The following CFAP74 variants were observed in gnomAD, a reference collection of about 807,000 sequenced individuals.
The protein encoded by CFAP74 is cilia- and flagella-associated protein 74.
Under a neutral mutation model 188.9 loss-of-function variants are expected in CFAP74, and 124 were observed. The ratio of observed to expected loss-of-function variants is 0.66; its 90% CI spans 0.57 to 0.76. The LOEUF is 0.76. Among genes scored for constraint, CFAP74 ranks in the 30% least tolerant of loss-of-function variants. The probability of loss-of-function intolerance (pLI) is 0.00; values close to 1 mark genes in which losing one functional copy is unlikely to be tolerated. For missense variants in CFAP74, 2,198 were observed against 2,165.2 expected, an observed-to-expected ratio of 1.02 and a Z score of -0.30; for synonymous variants, 956 against 916.7, an observed-to-expected ratio of 1.04 and a Z score of -0.77.
At chr1:1,949,019 C>T (rs549179504) in intron 18 of CFAP74, among the ~76,000 whole-genome samples, 91 of 81,030 alleles carry the variant, frequency 1.1e-3, no homozygotes, top group African/African-American at 4.5e-3. Context: ...CTTCCCCTTC[C>T]TTCCTTCTCT....
At chr1:1,990,730 C>T (rs1570988526) in intron 2 of CFAP74, among the ~76,000 whole-genome samples, 160 bp downstream of exon 2, 1 of 152,146 alleles carries the variant, frequency 6.6e-6, no homozygotes, top group South Asian at 2.1e-4. Context: ...ATCTTTCTTT[C>T]AAATAAAGAC....
At chr1:1,938,241 A>C (rs980830125) in intron 25 of CFAP74, among the ~76,000 whole-genome samples, 1 of 151,556 alleles carries the variant, frequency 6.6e-6, no homozygotes, top group Non-Finnish European at 1.5e-5. Context: ...ATGCTCACAC[A>C]TACAAGCACT....
At chr1:1,997,067 C>T (rs780158251) in intron 1 of CFAP74, among the ~76,000 whole-genome samples, 31 of 152,024 alleles carry the variant, frequency 2.0e-4, no homozygotes, top group Non-Finnish European at 3.7e-4. Context: ...AAAACAGGGA[C>T]GCTCTCTAAA....
intron 10 of CFAP74, among the ~76,000 whole-genome samples, chr1:1,970,260 A>G (rs1039143503): frequency 2.0e-5 from 3 of 152,178 alleles, no homozygotes; most frequent in African/African-American, 7.2e-5. Context: ...GGAGTGAGCA[A>G]GGGCAGGCCC....
intron 20 of CFAP74, among the ~76,000 whole-genome samples, chr1:1,945,299 C>T (rs748177768): frequency 3.9e-5 from 6 of 152,060 alleles, no homozygotes; most frequent in Non-Finnish European, 8.8e-5. Context: ...ACTCCTGGGG[C>T]CTCAGGAGGT....
chr1:1,933,641 G>T (rs1652593945), intron 25 of CFAP74, among the ~76,000 whole-genome samples: 1 of 152,074 alleles, frequency 6.6e-6, no homozygotes, highest in Non-Finnish European at 1.5e-5. Context: ...GTTCCCTTTC[G>T]CTCCTGATAT....
chr1:1,970,120 G>A (rs971601046), intron 10 of CFAP74, among the ~76,000 whole-genome samples: 19 of 152,164 alleles, frequency 1.2e-4, no homozygotes, highest in Admixed American at 9.8e-4. Context: ...GCCCCCGTTT[G>A]GAGAAGAACA....
intron 19 of CFAP74, 76 bp downstream of exon 19, chr1:1,946,914 G>T: frequency 8.6e-7 from 1 of 1,163,462 alleles, no homozygotes; most frequent in Non-Finnish European, 1.2e-6. Flanking sequence ...CAGTGGGTTG[G>T]GGTGCAGCTG....
At chr1:1,989,436 C>G (rs1372632323) in intron 2 of CFAP74, among the ~76,000 whole-genome samples, 1 of 152,206 alleles carries the variant, frequency 6.6e-6, no homozygotes, top group African/African-American at 2.4e-5. Flanking sequence ...GCTCATCCAC[C>G]CACTCCCTTT....
intron 25 of CFAP74, among the ~76,000 whole-genome samples, chr1:1,932,073 AAAAAAACAAAAAAC>A (rs1237815594): frequency 1.7e-5 from 1 of 58,146 alleles, no homozygotes; most frequent in Non-Finnish European, 5.0e-5. Context: ...CCTCAAAAAA[AAAAAAACAAAAAAC>A]AAAAAACAAA....
intron 14 of CFAP74, among the ~76,000 whole-genome samples, chr1:1,963,260 G>C (rs543551319): frequency 6.6e-6 from 1 of 152,200 alleles, no homozygotes; most frequent in Non-Finnish European, 1.5e-5. Flanking sequence ...AGACCAGCCT[G>C]GGCAACATGG....
chr1:1,989,701 G>A (rs1280827864), intron 2 of CFAP74, among the ~76,000 whole-genome samples: 1 of 152,166 alleles, frequency 6.6e-6, no homozygotes, highest in Non-Finnish European at 1.5e-5. Context: ...CCTCAAGTGA[G>A]CCACCCGTCT....
At position 1,942,048 on chromosome 1, in the gene CFAP74, C is replaced by T. The variant is rs1211409070; in HGVS notation, c.2595G>A (p.Val865=). ...CCTACCGCGGCAGGAACTTGAGCTG[C>T]ACGGAGTAGGACGACTGTGCCTGGA... The part of the protein sequence containing the change: ...GYIQAQSSYS[V]QLKFLPRHSL... The change falls in exon 22 of 39, where the codon GTG becomes GTA. Residue 865 remains valine (V), a synonymous_variant. Transcript: ENST00000682832. This position sits in a 1 kb window ranked among gnomAD's most constrained non-coding sequence, Gnocchi z 4.3. 7 of 1,523,734 alleles carry T rather than the reference C, an allele frequency of 4.6e-6. No individual in the cohort carries two copies. The highest frequency in any genetic ancestry group is 6.1e-6 in the Non-Finnish European group (7 of 1,141,610). 94.4% of individuals were successfully genotyped at this position (1,523,734 alleles called of 1,614,324 possible).
chr1:1,923,225 G>A lies in CFAP74; in HGVS notation c.4523-80C>T. 6.6e-7 allele frequency: 1 copy of A among 1,505,374 alleles called. No homozygotes were observed. The allele number at this position is 1,505,374 out of a possible 1,614,324, so 93.3% of individuals were successfully genotyped here. On this transcript the variant is annotated intron_variant, in intron 36 of 38. Coordinates refer to ENST00000682832, the MANE Select transcript of CFAP74 (RefSeq NM_001304360.2). The surrounding 1 kb of genome is among the most constrained non-coding windows in gnomAD (Gnocchi z 6.3). ...GGCTGCAGCTGGACTCCTGAACTCT[G>A]GTTAGCAGTGGCTGTCCTGCTTGGC...
At chr1:2,003,640 G>A (rs1658310367) in intron 1 of CFAP74, 61 bp downstream of exon 1, 1 of 152,230 alleles carries the variant, frequency 6.6e-6, no homozygotes, top group Admixed American at 6.5e-5. Context: ...CTGCCTGGGG[G>A]GCGGGGGTCA....
Position 1,923,154 on chromosome 1 carries a change from G to A in CFAP74, c.4523-9C>T. The A allele has an allele frequency of 6.2e-7, 1 of 1,602,948 alleles. No homozygotes were observed. Among genetic ancestry groups the A allele is most frequent in the Non-Finnish European group, 8.5e-7 (1 of 1,176,324 alleles). Reference sequence around the variant, plus strand: ...GCCTGGCCGGGAGCTGGCTGGAGGGGTGTGGCCAGGGGAGCTGTTCAGGGT... The same window carrying A: ...GCCTGGCCGGGAGCTGGCTGGAGGGATGTGGCCAGGGGAGCTGTTCAGGGT... On this transcript the variant is annotated splice_polypyrimidine_tract_variant and intron_variant, in intron 36 of 38. Transcript: ENST00000682832. This position sits in a 1 kb window ranked among gnomAD's most constrained non-coding sequence, Gnocchi z 6.3.
intron 25 of CFAP74, among the ~76,000 whole-genome samples, chr1:1,935,925 G>C (rs1652857960): frequency 6.6e-6 from 1 of 151,746 alleles, no homozygotes; most frequent in Non-Finnish European, 1.5e-5. Flanking sequence ...AGTTAGAAAA[G>C]CTCTCTGAGA....
intron 9 of CFAP74, 89 bp downstream of exon 9, chr1:1,971,891 C>A: frequency 9.8e-7 from 1 of 1,018,364 alleles, no homozygotes; most frequent in Non-Finnish European, 1.5e-6. Flanking sequence ...CGCCAGAGGA[C>A]ACGGGCCTGG....
At chr1:1,981,065 G>A (rs920021043) in intron 6 of CFAP74, among the ~76,000 whole-genome samples, 8 of 152,216 alleles carry the variant, frequency 5.3e-5, no homozygotes, top group African/African-American at 1.7e-4. Flanking sequence ...TCCCGGGACC[G>A]ACGCTGGAAG....
Sources: gnomAD v4.1 joint callset for allele counts (sites outside exome capture counted in the v4.1 genomes callset) on GRCh38, gnomAD v4.1.1 for gene constraint, Gnocchi (gnomAD v3.1) non-coding constraint, MANE v1.5 for transcripts, NCBI Gene and HGNC (gene_info 2026-07-23, HGNC 2026-07-21) for gene names.